Variants in IRS2 observed in about 807,000 individuals in gnomAD.
IRS2 encodes insulin receptor substrate 2.
Under a neutral mutation model 70.9 loss-of-function variants are expected in IRS2, and 28 were observed. The observed-to-expected ratio is 0.39, with a 90% CI of 0.29 to 0.54. The LOEUF is 0.54. Among genes scored for constraint, IRS2 ranks in the 20% least tolerant of loss-of-function variants. The pLI is 0.59. For missense variants in IRS2, 2,081 were observed against 2,024.1 expected, an observed-to-expected ratio of 1.03 and a Z score of -0.54; for synonymous variants, 1,217 against 981.9, an observed-to-expected ratio of 1.24 and a Z score of -4.48.
At position 109,785,198 on chromosome 13, in the gene IRS2, T is replaced by A; in HGVS notation, c.856A>T (p.Thr286Ser). ...DSVVAQNIHE[T>S]ILEAMKALKE... ...AGCGCCTTCATGGCCTCCAGGATGG[T>A]CTCGTGGATGTTCTGCGCCACCACC... Residue 286 changes from threonine to serine, a missense_variant, in exon 1 of 2, where the codon ACC (threonine) becomes TCC (serine). Physicochemically the swap from Thr to Ser is moderately conservative, Grantham distance 58. This residue lies in a region of IRS2 where 35 missense variants were observed against 78.6 expected (regional missense o/e 0.45). Coordinates refer to ENST00000375856, the MANE Select transcript of IRS2 (RefSeq NM_003749.3). The surrounding 1 kb of genome is among the most constrained non-coding windows in gnomAD (Gnocchi z 9.3). The A allele has an allele frequency of 6.2e-7, 1 of 1,603,492 alleles. No individual in the cohort carries two copies. The highest frequency in any genetic ancestry group is 8.5e-7 in the Non-Finnish European group (1 of 1,175,804).
In IRS2 at chr13:109,782,764, C is replaced by G. The variant is rs1168950458; in HGVS notation, c.3290G>C (p.Arg1097Pro). The G allele has an allele frequency of 6.2e-7, 1 of 1,602,574 alleles. No individual in the cohort carries two copies. Among genetic ancestry groups the G allele is most frequent in the Non-Finnish European group, 8.5e-7 (1 of 1,175,222 alleles). Residue 1097 changes from arginine (R) to proline (P), a missense_variant, in exon 1 of 2, where the codon CGC becomes CCC. Physicochemically the swap from Arg to Pro is moderately radical, Grantham distance 103 (BLOSUM62 -2). Around this residue, in one of 4 missense-constraint regions of IRS2, gnomAD observed 1,615 missense variants for 1,459.5 expected, o/e 1.11. Coordinates refer to ENST00000375856, the MANE Select transcript of IRS2 (RefSeq NM_003749.3). ...CACGCCCGACGTCGGGCTGGCCACGCGGGCAGCTTCTGGCTTCGGGGGGGC... is the reference window on the plus strand; with the variant it reads ...CACGCCCGACGTCGGGCTGGCCACGGGGGCAGCTTCTGGCTTCGGGGGGGC... The part of the protein sequence containing the change: ...IAAPPKPEAA[R>P]VASPTSGVKR...
Position 109,757,894 on chromosome 13 carries a change from C to G in IRS2, c.4013-1586G>C, listed in dbSNP as rs191278708. ...ACGGGGTTTCACCATGCTGGCCAGG[C>G]TAGTCTTGAACTCCTGACCTCAGGT... On this transcript the variant is annotated intron_variant, in intron 1 of 1. Coordinates refer to ENST00000375856, the MANE Select transcript of IRS2 (RefSeq NM_003749.3). 9.6e-3 allele frequency among the ~76,000 whole-genome samples: 1,454 copies of G among 151,796 alleles called. 24 individuals carry two copies. Among genetic ancestry groups the G allele is most frequent in the African/African-American group, 0.033 (1,367 of 41,090 alleles).
Position 109,782,453 on chromosome 13 carries a change from G to A in IRS2, c.3601C>T (p.Pro1201Ser). The A allele has an allele frequency of 6.4e-7, 1 of 1,571,136 alleles. No individual in the cohort carries two copies. Among genetic ancestry groups the A allele is most frequent in the Non-Finnish European group, 8.6e-7 (1 of 1,158,354 alleles). The stretch of plus-strand genomic sequence containing the variant: ...GGCTGCAACTGTCGTGGGGAGGTGG[G>A]CGGCTCGTCGCCCCCTCCAGGGCCG... ...GVGPGGGDEPPTSPRQLQPAP... is the reference protein window; with the variant it reads ...GVGPGGGDEPSTSPRQLQPAP... Residue 1201 changes from proline (P) to serine (S), a missense_variant, in exon 1 of 2, where the codon CCC becomes TCC. Physicochemically the swap from Pro to Ser is moderately conservative, Grantham distance 74 (BLOSUM62 -1). Around this residue, in one of 4 missense-constraint regions of IRS2, gnomAD observed 1,615 missense variants for 1,459.5 expected, o/e 1.11. Coordinates refer to ENST00000375856, the MANE Select transcript of IRS2 (RefSeq NM_003749.3).
chr13:109,776,556 A>G (rs567541595), intron 1 of IRS2, among the ~76,000 whole-genome samples: 45 of 152,384 alleles, frequency 3.0e-4, no homozygotes, highest in African/African-American at 1.1e-3. Context: ...TAATAAAGCT[A>G]TAACACACAG....
At position 109,764,635 on chromosome 13, in the gene IRS2, G is replaced by A. The variant is rs138898374; in HGVS notation, c.4013-8327C>T. On this transcript the variant is annotated intron_variant, in intron 1 of 1. Coordinates refer to ENST00000375856, the MANE Select transcript of IRS2 (RefSeq NM_003749.3). ...TCAACTACAGACTTCTTAAGACCAG[G>A]CAGCCCTGTGCTGCCAGGGAAAGAC... Among the ~76,000 whole-genome samples the A allele has an allele frequency of 3.3e-3, 508 of 152,206 alleles. 1 individual carries two copies. The highest frequency in any genetic ancestry group is 5.7e-3 in the Non-Finnish European group (389 of 68,008).
At chr13:109,758,829 CAAA>C (rs3049004) in intron 1 of IRS2, among the ~76,000 whole-genome samples, 352 of 102,992 alleles carry the variant, frequency 3.4e-3, no homozygotes, top group African/African-American at 4.2e-3. Flanking sequence ...AGATGGCTGA[CAAA>C]AAAAAAAAAA....
At position 109,784,350 on chromosome 13, in the gene IRS2, G is replaced by T; in HGVS notation, c.1704C>A (p.Asp568Glu). The T allele has an allele frequency of 6.2e-7, 1 of 1,609,244 alleles. No individual in the cohort carries two copies. Residue 568 changes from aspartate to glutamate, a missense_variant, in exon 1 of 2, where the codon GAC becomes GAA. By Grantham distance (45) the Asp-to-Glu change is conservative. Transcript: ENST00000375856. The surrounding 1 kb of genome is among the most constrained non-coding windows in gnomAD (Gnocchi z 5.2). The stretch of plus-strand genomic sequence containing the variant: ...AGTAGGTCCTCTTGCGCAGCCCTCG[G>T]TCCAGGTCCTGGGCCGCGTCCCCCG... ...RVSGDAAQDL[D>E]RGLRKRTYSL...
chr13:109,777,309 C>T (rs1474584867), intron 1 of IRS2, among the ~76,000 whole-genome samples: 2 of 152,046 alleles, frequency 1.3e-5, no homozygotes, highest in Non-Finnish European at 2.9e-5. Flanking sequence ...AAATCTGATA[C>T]CAAAATTAGC....
At position 109,756,056 on chromosome 13, in the gene IRS2, T is replaced by TAAAAC. The variant is rs775492539; in HGVS notation, c.*243_*247dup. 1.1e-4 allele frequency: 55 copies of TAAAAC among 506,660 alleles called. No individual in the cohort carries two copies. The highest frequency in any genetic ancestry group is 5.1e-4 in the African/African-American group (27 of 52,604). 31.4% of individuals were successfully genotyped at this position (506,660 alleles called of 1,614,324 possible). Reference sequence around the variant, plus strand: ...GAATAACTTCTTCAGCTAATTTTGTTAAAACAAAACAAAACAAAACGCAAA... The same window carrying TAAAAC: ...GAATAACTTCTTCAGCTAATTTTGTTAAAACAAAACAAAACAAAACAAAACGCAAA... On this transcript the variant is annotated 3_prime_UTR_variant, in exon 2 of 2. Coordinates refer to ENST00000375856, the MANE Select transcript of IRS2 (RefSeq NM_003749.3).
rs1313370009 is a variant in IRS2, at chr13:109,783,248, G to A, written c.2806C>T (p.Pro936Ser). 1.4e-6 allele frequency: 2 copies of A among 1,473,934 alleles called. No individual in the cohort carries two copies. Among genetic ancestry groups the A allele is most frequent in the Admixed American group, 2.3e-5 (1 of 42,600 alleles). 91.3% of individuals were successfully genotyped at this position (1,473,934 alleles called of 1,614,324 possible). A position where few individuals can be genotyped will look rare whatever the true frequency, so the allele number is the denominator to read the frequency against. ...EPGARLSPPA[P>S]PLLASAASSS... The stretch of plus-strand genomic sequence containing the variant: ...GAGGCCGCCGACGCCAGCAGGGGAG[G>A]CGCGGGCGGCGACAGGCGGGCCCCG... Residue 936 changes from proline to serine, a missense_variant, in exon 1 of 2, where the codon CCT becomes TCT. By Grantham distance (74) the Pro-to-Ser change is moderately conservative. This residue lies in a region of IRS2 where 1,615 missense variants were observed against 1,459.5 expected (regional missense o/e 1.11). Transcript: ENST00000375856.
chr13:109,777,520 T>TCA (rs1293701082), intron 1 of IRS2, among the ~76,000 whole-genome samples: 3 of 152,094 alleles, frequency 2.0e-5, no homozygotes, highest in African/African-American at 7.2e-5. Context: ...AACAAAAGAA[T>TCA]CACGCATTTT....
Position 109,785,409 on chromosome 13 carries a change from C to T in IRS2, c.645G>A (p.Gly215=). Residue 215 remains glycine (G), a synonymous_variant, in exon 1 of 2, where the codon GGG becomes GGA. Transcript: ENST00000375856. The surrounding 1 kb of genome is among the most constrained non-coding windows in gnomAD (Gnocchi z 9.3). ...KGLGQSKNLT[G]VYRLCLSART... is the part of the protein sequence containing the mutation. ...GCGCAGACAGGCACAGACGGTACACCCCCGTCAGGTTCTTGCTCTGGCCCA... is the reference window on the plus strand; with the variant it reads ...GCGCAGACAGGCACAGACGGTACACTCCCGTCAGGTTCTTGCTCTGGCCCA... 6.2e-7 allele frequency: 1 copy of T among 1,612,464 alleles called. No homozygotes were observed. Among genetic ancestry groups the T allele is most frequent in the Non-Finnish European group, 8.5e-7 (1 of 1,179,880 alleles).
intron 1 of IRS2, among the ~76,000 whole-genome samples, chr13:109,770,370 C>T (rs1877425363): frequency 6.6e-6 from 1 of 152,218 alleles, no homozygotes; most frequent in Non-Finnish European, 1.5e-5. Flanking sequence ...ACCAGGAGAG[C>T]TTGGAGGCAA....
chr13:109,779,290 A>G (rs1307217058), intron 1 of IRS2, among the ~76,000 whole-genome samples: 1 of 152,244 alleles, frequency 6.6e-6, no homozygotes, highest in Admixed American at 6.5e-5. Flanking sequence ...CAGAACAGGA[A>G]GAGCTCAGGG....
intron 1 of IRS2, among the ~76,000 whole-genome samples, chr13:109,761,084 C>T (rs1877214653): frequency 6.6e-6 from 1 of 152,312 alleles, no homozygotes; most frequent in Non-Finnish European, 1.5e-5. Flanking sequence ...TGTTACATTT[C>T]GATGTTCAAA....
Position 109,783,656 on chromosome 13 carries a change from C to A in IRS2, c.2398G>T (p.Gly800Cys). 6.4e-7 allele frequency: 1 copy of A among 1,554,980 alleles called. No homozygotes were observed. Among genetic ancestry groups the A allele is most frequent in the Non-Finnish European group, 8.7e-7 (1 of 1,149,130 alleles). Residue 800 changes from glycine (G) to cysteine (C), a missense_variant, in exon 1 of 2, where the codon GGC becomes TGC. Gly to Cys is a radical substitution (Grantham distance 159). Coordinates refer to ENST00000375856, the MANE Select transcript of IRS2 (RefSeq NM_003749.3). ...CGGGGCAAGGAGCTGTAGCAGCAGC[C>A]GGGAACGCCCCTGAGCGGCTCCCCG... Reference protein sequence around the residue: ...PGGEPLRGVPGCCYSSLPRSY... With the variant: ...PGGEPLRGVPCCCYSSLPRSY...
intron 1 of IRS2, among the ~76,000 whole-genome samples, chr13:109,769,928 C>T (rs540752034): frequency 1.3e-5 from 2 of 152,330 alleles, no homozygotes; most frequent in East Asian, 3.9e-4. Flanking sequence ...TTTCTGCCCC[C>T]AACTTTCTAC....
chr13:109,767,943 G>A (rs1877372994), intron 1 of IRS2, among the ~76,000 whole-genome samples: 1 of 152,132 alleles, frequency 6.6e-6, no homozygotes, highest in African/African-American at 2.4e-5. Flanking sequence ...ATATTGGCCA[G>A]GATGGTCTCA....
At chr13:109,768,023 G>A (rs1453736093) in intron 1 of IRS2, among the ~76,000 whole-genome samples, 1 of 152,160 alleles carries the variant, frequency 6.6e-6, no homozygotes, top group Non-Finnish European at 1.5e-5. Context: ...GAGCCACCGT[G>A]CCTGGCCCAG....
Sources: gnomAD v4.1 joint callset for allele counts (sites outside exome capture counted in the v4.1 genomes callset) on GRCh38, gnomAD v4.1.1 for gene constraint, gnomAD v4.1.1 regional missense constraint, Gnocchi (gnomAD v3.1) non-coding constraint, MANE v1.5 for transcripts, NCBI Gene and HGNC (gene_info 2026-07-23, HGNC 2026-07-21) for gene names.